LRRC7: variants seen among roughly 807,000 people sequenced by gnomAD.
LRRC7 encodes leucine-rich repeat-containing protein 7.
In LRRC7, 23 loss-of-function variants were observed where a neutral mutation model predicts 175.7. The observed-to-expected ratio is 0.13, with a 90% CI of 0.09 to 0.19. The LOEUF is 0.19. Ranked by LOEUF, LRRC7 falls within the 10% of genes least tolerant of loss-of-function variation. The pLI, the probability that LRRC7 is intolerant of heterozygous loss-of-function variation, is 1.00. For missense variants in LRRC7, 1,354 were observed against 1,904.7 expected, an observed-to-expected ratio of 0.71 and a Z score of 5.38; for synonymous variants, 685 against 680.9, an observed-to-expected ratio of 1.01 and a Z score of -0.09.
intron 1 of LRRC7, among the ~76,000 whole-genome samples, chr1:69,656,141 A>G (rs1360502058): frequency 1.3e-5 from 2 of 152,000 alleles, no homozygotes; most frequent in East Asian, 3.9e-4. Context: ...GCCAGTTAGT[A>G]TATTTTTTCA....
At chr1:69,701,228 G>T (rs985237674) in intron 2 of LRRC7, among the ~76,000 whole-genome samples, 1 of 152,108 alleles carries the variant, frequency 6.6e-6, no homozygotes, top group Admixed American at 6.5e-5. Flanking sequence ...ATATCAGTGA[G>T]AATACCAACA....
chr1:69,683,371 T>G (rs1660736517), intron 2 of LRRC7, among the ~76,000 whole-genome samples: 1 of 152,094 alleles, frequency 6.6e-6, no homozygotes, highest in Non-Finnish European at 1.5e-5. Context: ...TAGAAAACCC[T>G]CCTTATCTTA....
chr1:69,863,970 C>A (rs1684635221), intron 7 of LRRC7, among the ~76,000 whole-genome samples: 1 of 152,122 alleles, frequency 6.6e-6, no homozygotes, highest in Non-Finnish European at 1.5e-5. Context: ...ATGCTTCAAT[C>A]ACCCTAAATT....
rs1172403797 is a variant in LRRC7, at chr1:70,082,781, ATTTTTTT to A, written c.4452+6508_4452+6514del. The stretch of plus-strand genomic sequence containing the variant: ...TATTAGTCAATCTTGATACCAGTAC[ATTTTTTT>A]TTTTTTTTTTTTTTTTTTTTTTTTG... On this transcript the variant is annotated intron_variant, in intron 24 of 26. Coordinates refer to ENST00000651989, the MANE Select transcript of LRRC7 (RefSeq NM_001370785.2). Among the ~76,000 whole-genome samples the A allele has an allele frequency of 5.0e-3, 260 of 52,304 alleles. 32 individuals are homozygous for A. The highest frequency in any genetic ancestry group is 0.011 in the African/African-American group (171 of 16,176). The allele number at this position is 52,304 out of a possible 152,430, so 34.3% of individuals were successfully genotyped here. A position where few individuals can be genotyped will look rare whatever the true frequency, so the allele number is the denominator to read the frequency against.
At chr1:69,817,255 T>G (rs1678709153) in intron 4 of LRRC7, among the ~76,000 whole-genome samples, 1 of 151,890 alleles carries the variant, frequency 6.6e-6, no homozygotes, top group South Asian at 2.1e-4. Flanking sequence ...ATATATAAGT[T>G]TTTAAAGTTT....
At chr1:69,666,440 G>A (rs1658283148) in intron 1 of LRRC7, among the ~76,000 whole-genome samples, 1 of 151,952 alleles carries the variant, frequency 6.6e-6, no homozygotes, top group African/African-American at 2.4e-5. Context: ...GATACCATTC[G>A]GTCCTAGGCT....
At chr1:69,775,379 G>T (rs1672702345) in intron 3 of LRRC7, among the ~76,000 whole-genome samples, 1 of 152,066 alleles carries the variant, frequency 6.6e-6, no homozygotes, top group South Asian at 2.1e-4. Context: ...ATACTCTAGA[G>T]AATTAATCCC....
At chr1:69,681,039 G>A (rs1019422033) in intron 2 of LRRC7, among the ~76,000 whole-genome samples, 3 of 151,998 alleles carry the variant, frequency 2.0e-5, no homozygotes, top group Admixed American at 2.0e-4. Flanking sequence ...TTGAGATCAG[G>A]AATGCAAATG....
At chr1:69,999,090 T>C (rs1441725244) in intron 11 of LRRC7, among the ~76,000 whole-genome samples, 1 of 152,332 alleles carries the variant, frequency 6.6e-6, no homozygotes, top group African/African-American at 2.4e-5. Flanking sequence ...TAAACTACAG[T>C]CAGTCTTAGT....
chr1:70,036,237 C>A lies in LRRC7; in HGVS notation c.2107+5C>A. The A allele has an allele frequency of 6.2e-7, 1 of 1,602,438 alleles. No individual in the cohort carries two copies. Among genetic ancestry groups the A allele is most frequent in the Non-Finnish European group, 8.5e-7 (1 of 1,173,206 alleles). On this transcript the variant is annotated splice_donor_5th_base_variant and intron_variant, in intron 19 of 26. Transcript: ENST00000651989. ...TGCTAGGGAAGGACAAAAAAGGTAA[C>A]ACTGTGAACCCAATGTGGAAAATAT...
chr1:69,925,942 C>A (rs1244861527), intron 7 of LRRC7, among the ~76,000 whole-genome samples: 1 of 148,882 alleles, frequency 6.7e-6, no homozygotes, highest in East Asian at 2.0e-4. Flanking sequence ...GCATTTAGTG[C>A]TATAAATTTC....
chr1:70,021,809 T>C (rs201502839), intron 16 of LRRC7, among the ~76,000 whole-genome samples: 1 of 152,186 alleles, frequency 6.6e-6, no homozygotes, highest in East Asian at 1.9e-4. Flanking sequence ...TTAATTATCA[T>C]CAGAATTGAT....
intron 4 of LRRC7, among the ~76,000 whole-genome samples, chr1:69,802,089 A>G (rs560576375): frequency 6.6e-6 from 1 of 151,558 alleles, no homozygotes; most frequent in East Asian, 1.9e-4. Flanking sequence ...TATACTTAAT[A>G]TGATTTCACT....
At chr1:69,882,414 C>A (rs1686710995) in intron 7 of LRRC7, among the ~76,000 whole-genome samples, 1 of 152,070 alleles carries the variant, frequency 6.6e-6, no homozygotes, top group Non-Finnish European at 1.5e-5. Context: ...GTCCCATGTT[C>A]ATTGCAGGAT....
intron 25 of LRRC7, among the ~76,000 whole-genome samples, chr1:70,093,808 T>C (rs911426275): frequency 6.6e-6 from 1 of 152,254 alleles, no homozygotes; most frequent in South Asian, 2.1e-4. Flanking sequence ...TTTGCTTGTA[T>C]GTAAGCACTC....
intron 4 of LRRC7, among the ~76,000 whole-genome samples, chr1:69,818,336 G>T (rs1218672822): frequency 6.6e-6 from 1 of 151,854 alleles, no homozygotes; most frequent in South Asian, 2.1e-4. Flanking sequence ...GTTGGATTTT[G>T]TTCAATGCTT....
intron 4 of LRRC7, among the ~76,000 whole-genome samples, chr1:69,815,943 A>G (rs1678535497): frequency 6.6e-6 from 1 of 150,378 alleles, no homozygotes; most frequent in Admixed American, 6.6e-5. Context: ...ACAGCTCTCT[A>G]GAACCTTTAT....
At chr1:70,100,919 C>A (rs533291697) in intron 25 of LRRC7, among the ~76,000 whole-genome samples, 2 of 152,206 alleles carry the variant, frequency 1.3e-5, no homozygotes, top group Admixed American at 1.3e-4. Context: ...TGATGCATAG[C>A]AATTAACCTT....
intron 7 of LRRC7, among the ~76,000 whole-genome samples, chr1:69,924,093 G>A (rs894742729): frequency 1.3e-5 from 2 of 152,146 alleles, no homozygotes; most frequent in African/African-American, 4.8e-5. Context: ...TCTCAGGTTT[G>A]TCAAAGATCA....
Sources: allele counts gnomAD v4.1 joint callset (sites outside exome capture counted in the v4.1 genomes callset), GRCh38; gene constraint gnomAD v4.1.1; transcripts MANE v1.5; gene names NCBI Gene and HGNC (gene_info 2026-07-23, HGNC 2026-07-21).